HAL: variants seen among roughly 807,000 people sequenced by gnomAD.
The protein encoded by HAL is histidine ammonia-lyase.
A neutral mutation model predicts 81.1 loss-of-function variants in HAL; 85 were observed. That is an observed-to-expected ratio of 1.05 (90% CI 0.88 to 1.25). The LOEUF is 1.25. Ranked by LOEUF, HAL falls within the 50% of genes most tolerant of loss-of-function variation. The pLI is 0.00. For synonymous variants in HAL, 301 were observed against 309.2 expected (o/e 0.97, Z 0.28); for missense variants, 798 against 836.6 (o/e 0.95, Z 0.57).
In HAL at chr12:95,986,167, T is replaced by C. The variant is rs201386781; in HGVS notation, c.1052-7A>G. The C allele has an allele frequency of 7.9e-6, 12 of 1,511,746 alleles. No homozygotes were observed. Among genetic ancestry groups the C allele is most frequent in the African/African-American group, 1.4e-5 (1 of 73,022 alleles). 93.6% of individuals were successfully genotyped at this position (1,511,746 alleles called of 1,614,324 possible). On this transcript the variant is annotated splice_region_variant and splice_polypyrimidine_tract_variant and intron_variant, in intron 12 of 20. Transcript: ENST00000261208. ...GGTCGAAGAGCATGAATGTCTAGAA[T>C]TGATGAAGGAGAAAAAGTCTGAATA... is the stretch of plus-strand genomic sequence containing the variant.
Position 95,994,262 on chromosome 12 carries a change from T to C in HAL, c.337-98A>G, listed in dbSNP as rs1950006355. 3.6e-6 allele frequency: 3 copies of C among 836,166 alleles called. No homozygotes were observed. In the Admixed American group the frequency reaches 5.1e-5, roughly 14 times the overall value. The allele number at this position is 836,166 out of a possible 1,614,324, so 51.8% of individuals were successfully genotyped here. A position where few individuals can be genotyped will look rare whatever the true frequency, so the allele number is the denominator to read the frequency against. ...CAGAACCAAACTGACATTTCAGAGA[T>C]CTGATCATTGCGTGAAACATGAATA... On this transcript the variant is annotated intron_variant, in intron 4 of 20. Transcript: ENST00000261208.
At chr12:95,985,121 T>C (rs1202612777) in intron 14 of HAL, among the ~76,000 whole-genome samples, 1 of 152,228 alleles carries the variant, frequency 6.6e-6, no homozygotes, top group African/African-American at 2.4e-5. Context: ...AAAATGCAAG[T>C]AAGGTATAAC....
chr12:95,987,687 C>T (rs1949911289), intron 11 of HAL, among the ~76,000 whole-genome samples: 1 of 152,104 alleles, frequency 6.6e-6, no homozygotes, highest in Admixed American at 6.6e-5. Context: ...CTAAGAGACC[C>T]CCTATGCATT....
At chr12:95,977,922 A>C in intron 18 of HAL, 22 bp downstream of exon 18, 1 of 1,613,586 alleles carries the variant, frequency 6.2e-7, no homozygotes, top group Non-Finnish European at 8.5e-7. Context: ...CAGGCCCGCC[A>C]CCCCGAACTC....
At chr12:95,984,039 GA>G (rs1184616703) in intron 14 of HAL, 48 bp from the exon 15 acceptor site, 2 of 871,288 alleles carry the variant, frequency 2.3e-6, no homozygotes, top group African/African-American at 3.3e-5. Flanking sequence ...ATTACCTGAA[GA>G]GTACCAATAT....
chr12:95,991,075 A>C (rs1949965095), intron 9 of HAL, among the ~76,000 whole-genome samples: 1 of 152,158 alleles, frequency 6.6e-6, no homozygotes, highest in Non-Finnish European at 1.5e-5. Flanking sequence ...GTGCCACTGC[A>C]CTCCAGCCTG....
chr12:95,993,738 G>A (rs1314271634), intron 7 of HAL, 34 bp downstream of exon 7: 1 of 1,140,578 alleles, frequency 8.8e-7, no homozygotes, highest in Non-Finnish European at 1.3e-6. Context: ...ATGAGGGTAG[G>A]TGGAACGTGA....
intron 13 of HAL, 42 bp from the exon 14 acceptor site, chr12:95,986,008 C>G (rs752822165): frequency 6.3e-7 from 1 of 1,583,672 alleles, no homozygotes; most frequent in Non-Finnish European, 8.7e-7. Context: ...ATCATGTTAC[C>G]AATTCTTTTC....
At chr12:95,988,517 G>T (rs758750687) in intron 10 of HAL, among the ~76,000 whole-genome samples, 1 of 152,066 alleles carries the variant, frequency 6.6e-6, no homozygotes, top group Non-Finnish European at 1.5e-5. Flanking sequence ...TACGTCCTTC[G>T]TGTTCAGTTT....
chr12:95,975,352 T>C (rs1200755180), intron 20 of HAL, among the ~76,000 whole-genome samples: 1 of 147,176 alleles, frequency 6.8e-6, no homozygotes, highest in South Asian at 2.1e-4. Flanking sequence ...TTTTTCTTTT[T>C]TTTTTTTTTT....
chr12:95,975,925 T>C (rs2080713460), intron 20 of HAL, among the ~76,000 whole-genome samples: 2 of 152,162 alleles, frequency 1.3e-5, no homozygotes, highest in South Asian at 4.1e-4. Flanking sequence ...GAGTATACGG[T>C]CAATGTAACC....
chr12:95,994,397 G>C (rs1331841091), intron 4 of HAL, among the ~76,000 whole-genome samples: 1 of 152,196 alleles, frequency 6.6e-6, no homozygotes, highest in Non-Finnish European at 1.5e-5. Flanking sequence ...CCTGTGGTTG[G>C]TTGGTTTGTT....
At chr12:95,984,841 T>G (rs1949859663) in intron 14 of HAL, among the ~76,000 whole-genome samples, 1 of 152,266 alleles carries the variant, frequency 6.6e-6, no homozygotes, top group Non-Finnish European at 1.5e-5. Context: ...CATAGGTGTT[T>G]TGATCTATTG....
chr12:95,994,643 G>T (rs1181313005), intron 4 of HAL, among the ~76,000 whole-genome samples, 155 bp downstream of exon 4: 1 of 152,186 alleles, frequency 6.6e-6, no homozygotes, highest in African/African-American at 2.4e-5. Context: ...GCCCACCTCG[G>T]CCACCCAAAG....
At chr12:95,980,260 G>A (rs1020226235) in intron 17 of HAL, among the ~76,000 whole-genome samples, 1 of 152,052 alleles carries the variant, frequency 6.6e-6, no homozygotes, top group Non-Finnish European at 1.5e-5. Flanking sequence ...TTGGAAAAAA[G>A]CTATAGAGAT....
At position 95,993,789 on chromosome 12, in the gene HAL, A is replaced by T. The variant is rs1401560901; in HGVS notation, c.534T>A (p.Ile178=). The T allele has an allele frequency of 8.4e-6, 13 of 1,556,148 alleles. No individual in the cohort carries two copies. Among genetic ancestry groups the T allele is most frequent in the African/African-American group, 1.4e-5 (1 of 73,848 alleles). Reference sequence around the variant, plus strand: ...AAACTTACTGTAGCTTATTGATAGGAATTACAGTTCTGGCAAATTTCCCAA... The same window carrying T: ...AAACTTACTGTAGCTTATTGATAGGTATTACAGTTCTGGCAAATTTCCCAA... ...TGFGKFARTV[I]PINKLQELQV... is the part of the protein sequence containing the mutation. Residue 178 remains isoleucine, a synonymous_variant, in exon 7 of 21, where the codon ATT becomes ATA. Coordinates refer to ENST00000261208, the MANE Select transcript of HAL (RefSeq NM_002108.4).
In HAL at chr12:95,974,359, G is replaced by T. The variant is rs1291013772; in HGVS notation, c.1847C>A (p.Ala616Asp). 1.2e-6 allele frequency: 2 copies of T among 1,613,400 alleles called. No individual in the cohort carries two copies. The highest frequency in any genetic ancestry group is 1.7e-6 in the Non-Finnish European group (2 of 1,179,436). The stretch of plus-strand genomic sequence containing the variant: ...TCTGTATTTTTCAATGTATGGAGCA[G>T]CTACTTCCCAAACCTGAAAAGCAAG... Reference protein sequence around the residue: ...LLLEQKVWEVAAPYIEKYRME... With the variant: ...LLLEQKVWEVDAPYIEKYRME... Residue 616 changes from alanine (A) to aspartate (D), a missense_variant, in exon 21 of 21, where the codon GCT (alanine) becomes GAT (aspartate). Physicochemically the swap from Ala to Asp is moderately radical, Grantham distance 126. Transcript: ENST00000261208.
rs767810289 is a variant in HAL, at chr12:95,977,954, A to G, written c.1644T>C (p.His548=). The change falls in exon 18 of 21, where the codon CAT becomes CAC. Residue 548 remains histidine (H), a synonymous_variant. Coordinates refer to ENST00000261208, the MANE Select transcript of HAL (RefSeq NM_002108.4). ...ACTCATCAGCATTACCTTGCTCCAC[A>G]TGCTCGATGACCCTGAGGGCTTTCC... The part of the protein sequence containing the change: ...AARKALRVIE[H]VEQVLAIELL... 1 of 1,614,112 alleles carries G rather than the reference A, an allele frequency of 6.2e-7. No homozygotes were observed. Among genetic ancestry groups the G allele is most frequent in the Admixed American group, 1.7e-5 (1 of 60,018 alleles).
chr12:95,975,802 A>G (rs1287306368), intron 20 of HAL, among the ~76,000 whole-genome samples: 5 of 152,220 alleles, frequency 3.3e-5, no homozygotes, highest in Admixed American at 6.5e-5. Context: ...TTTTAAGGAA[A>G]TCAAGCGATT....
Sources: gnomAD v4.1 joint callset for allele counts (sites outside exome capture counted in the v4.1 genomes callset) on GRCh38, gnomAD v4.1.1 for gene constraint, MANE v1.5 for transcripts, NCBI Gene and HGNC (gene_info 2026-07-23, HGNC 2026-07-21) for gene names.